The following OPRM1 variants were observed in gnomAD, a reference collection of about 807,000 sequenced individuals.
The protein encoded by OPRM1 is mu-type opioid receptor.
OPRM1 carries 27 observed loss-of-function variants against 31.8 expected under a neutral mutation model. The ratio of observed to expected loss-of-function variants is 0.85; its 90% CI spans 0.63 to 1.17. OPRM1 has a LOEUF of 1.17. OPRM1 is among the 50% of genes most tolerant of loss of function. The probability of loss-of-function intolerance (pLI) is 0.00; values close to 1 mark genes in which losing one functional copy is unlikely to be tolerated. For missense variants in OPRM1, 536 were observed against 511.1 expected (o/e 1.05, Z -0.47); for synonymous variants, 196 against 189.9 (o/e 1.03, Z -0.26).
At chr6:154,240,739 C>G (rs1006686248) in intron 3 of OPRM1, among the ~76,000 whole-genome samples, 3 of 152,184 alleles carry the variant, frequency 2.0e-5, no homozygotes, top group Non-Finnish European at 4.4e-5. Context: ...AGTGTGCATG[C>G]AGCTAGAGAT....
intron 3 of OPRM1, among the ~76,000 whole-genome samples, chr6:154,141,811 G>T (rs998949308): frequency 1.2e-4 from 19 of 152,316 alleles, no homozygotes; most frequent in African/African-American, 4.1e-4. Context: ...GTGAGTAAAA[G>T]GATGACTGAA....
chr6:154,094,121 C>T (rs754436581), intron 3 of OPRM1: 3 of 697,734 alleles, frequency 4.3e-6, no homozygotes, highest in South Asian at 1.5e-5. Flanking sequence ...TGTTTATGTT[C>T]TGCCTTATGT....
chr6:154,118,989 A>G lies in OPRM1; in HGVS notation c.*268A>G, dbSNP rs1026003781. On this transcript the variant is annotated 3_prime_UTR_variant, in exon 4 of 4. Coordinates refer to ENST00000330432, the MANE Select transcript of OPRM1 (RefSeq NM_000914.5). ...CAGTGGAACCAAAACCCATCGTGGT[A>G]TGTGAATTGAAGTCATCATAAAAGG... The G allele has an allele frequency of 1.1e-5, 13 of 1,212,258 alleles. No homozygotes were observed. The highest frequency in any genetic ancestry group is 3.3e-4 in the Middle Eastern group (1 of 3,058). The allele number at this position is 1,212,258 out of a possible 1,614,324, so 75.1% of individuals were successfully genotyped here.
chr6:154,237,037 C>A (rs918672675), intron 3 of OPRM1, among the ~76,000 whole-genome samples: 1 of 152,132 alleles, frequency 6.6e-6, no homozygotes, highest in Non-Finnish European at 1.5e-5. Flanking sequence ...GAAACATGCT[C>A]TATGGAAGAT....
intron 3 of OPRM1, chr6:154,107,620 G>T: frequency 1.4e-6 from 1 of 718,472 alleles, no homozygotes; most frequent in Non-Finnish European, 2.6e-6. Context: ...TTTTAGAGCT[G>T]ACTATGACAT....
chr6:154,134,534 C>A (rs1798007534), downstream of OPRM1, among the ~76,000 whole-genome samples: 1 of 152,128 alleles, frequency 6.6e-6, no homozygotes, highest in African/African-American at 2.4e-5. Flanking sequence ...CCTTGCCCTC[C>A]CTCTAATCCC....
intron 3 of OPRM1, among the ~76,000 whole-genome samples, chr6:154,160,925 G>C (rs548909066): frequency 5.9e-5 from 9 of 152,262 alleles, no homozygotes; most frequent in African/African-American, 2.2e-4. Flanking sequence ...CCACTTAGCA[G>C]AGCAGGGATG....
intron 3 of OPRM1, chr6:154,091,809 A>G: frequency 9.7e-7 from 1 of 1,029,782 alleles, no homozygotes; most frequent in Non-Finnish European, 1.2e-6. Flanking sequence ...TTTTCCCCAG[A>G]ATTATTATAT....
intron 1 of OPRM1, among the ~76,000 whole-genome samples, chr6:154,066,265 G>T (rs551414985): frequency 6.6e-6 from 1 of 152,204 alleles, no homozygotes; most frequent in South Asian, 2.1e-4. Context: ...TTTGATGTTA[G>T]GGTAATGCTG....
intron 3 of OPRM1, among the ~76,000 whole-genome samples, chr6:154,185,845 C>G (rs1469800277): frequency 6.6e-6 from 1 of 152,218 alleles, no homozygotes; most frequent in Non-Finnish European, 1.5e-5. Flanking sequence ...GGGCCACATT[C>G]AAAGCTGTCC....
At position 154,190,842 on chromosome 6, in the gene OPRM1, T is replaced by C. The variant is rs535428476; in HGVS notation, c.1165-55851T>C. 2.0e-5 allele frequency among the ~76,000 whole-genome samples: 3 copies of C among 152,208 alleles called. No individual in the cohort carries two copies. The South Asian group carries it at 6.2e-4, about 32-fold the overall frequency. ...TATTCAATGATTAAAAAGTGACCTA[T>C]CCAGGAGATCGAGACCATCCTGGCT... On this transcript the variant is annotated intron_variant, in intron 3 of 3. Transcript: ENST00000337049.
At chr6:154,200,182 T>C (rs1365598404) in intron 3 of OPRM1, 2 of 741,654 alleles carry the variant, frequency 2.7e-6, no homozygotes, top group Non-Finnish European at 4.2e-6. Flanking sequence ...GGTAAAGATA[T>C]GATATTTATT....
chr6:154,046,992 A>G lies in OPRM1; in HGVS notation c.290+7158A>G, dbSNP rs141071722. Among the ~76,000 whole-genome samples the G allele has an allele frequency of 3.9e-5, 6 of 152,322 alleles. No individual in the cohort carries two copies. In the East Asian group the frequency reaches 5.8e-4, roughly 15 times the overall value. Reference sequence around the variant, plus strand: ...TCCATCACAGCCCTTTGGATTCTATATAAGCTCAAATAGGTTCTGTCAAAG... The same window carrying G: ...TCCATCACAGCCCTTTGGATTCTATGTAAGCTCAAATAGGTTCTGTCAAAG... On this transcript the variant is annotated intron_variant, in intron 1 of 3. Transcript: ENST00000330432.
chr6:154,089,399 C>T (rs1383616524), intron 1 of OPRM1, among the ~76,000 whole-genome samples: 1 of 152,040 alleles, frequency 6.6e-6, no homozygotes, highest in Non-Finnish European at 1.5e-5. Context: ...CCACCCTAAG[C>T]AACATGTCAA....
At chr6:154,045,401 A>G (rs899732245) in intron 1 of OPRM1, among the ~76,000 whole-genome samples, 4 of 152,182 alleles carry the variant, frequency 2.6e-5, no homozygotes, top group Non-Finnish European at 4.4e-5. Context: ...AGATGTAGAC[A>G]CTTATTTCAA....
In OPRM1 at chr6:154,175,165, T is replaced by C. The variant is rs533892892; in HGVS notation, c.1165-71528T>C. Among the ~76,000 whole-genome samples, 356 of 152,306 alleles carry C rather than the reference T, an allele frequency of 2.3e-3. 1 individual carries two copies. The highest frequency in any genetic ancestry group is 8.4e-3 in the African/African-American group (349 of 41,554). On this transcript the variant is annotated intron_variant, in intron 3 of 3. Coordinates refer to the OPRM1 transcript ENST00000337049. ...ACGTACCAGAAGCTCTGGGACACAT[T>C]TAAAGCAGTGTTTAGAGGGAAATTT...
chr6:154,010,958 C>G (rs973143669), exon 1 of OPRM1: 8 of 1,296,344 alleles, frequency 6.2e-6, no homozygotes, highest in Non-Finnish European at 7.0e-6. Context: ...ACTCTGATAT[C>G]CTCTCACACT....
At chr6:154,106,687 C>T (rs1038291228) in intron 3 of OPRM1, among the ~76,000 whole-genome samples, 17 of 152,166 alleles carry the variant, frequency 1.1e-4, no homozygotes, top group African/African-American at 4.1e-4. Context: ...ATTTACCATA[C>T]AGGATCCTTT....
chr6:154,076,114 A>T (rs568708886), intron 1 of OPRM1, among the ~76,000 whole-genome samples: 5 of 152,308 alleles, frequency 3.3e-5, no homozygotes, highest in African/African-American at 1.2e-4. Flanking sequence ...TACAGTAAGC[A>T]TGTATTATTT....
Sources: allele counts gnomAD v4.1 joint callset (sites outside exome capture counted in the v4.1 genomes callset), GRCh38; gene constraint gnomAD v4.1.1; transcripts MANE v1.5; gene names NCBI Gene and HGNC (gene_info 2026-07-23, HGNC 2026-07-21).